ROBO2: variants seen among roughly 807,000 people sequenced by gnomAD.
ROBO2 encodes the protein roundabout guidance receptor 2, also known as roundabout homolog 2.
A neutral mutation model predicts 160.8 loss-of-function variants in ROBO2; 53 were observed. The ratio of observed to expected loss-of-function variants is 0.33; its 90% CI spans 0.26 to 0.41. ROBO2 has a LOEUF of 0.41. ROBO2 is among the 10% of genes least tolerant of loss of function. ROBO2 has a pLI of 1.00. For missense variants in ROBO2, 1,577 were observed against 1,722.4 expected (o/e 0.92, Z 1.49); for synonymous variants, 664 against 611.7 (o/e 1.09, Z -1.26).
intron 2 of ROBO2, among the ~76,000 whole-genome samples, chr3:75,954,517 T>C (rs985958424): frequency 2.0e-5 from 3 of 151,890 alleles, no homozygotes; most frequent in African/African-American, 7.2e-5. Context: ...CAAACTTGCT[T>C]TAGCAAAGTA....
At chr3:76,970,189 G>C (rs1450674011) in intron 2 of ROBO2, among the ~76,000 whole-genome samples, 4 of 152,110 alleles carry the variant, frequency 2.6e-5, no homozygotes, top group Non-Finnish European at 4.4e-5. Context: ...TGAAAGACAA[G>C]CTATTTATCC....
intron 5 of ROBO2, among the ~76,000 whole-genome samples, chr3:77,510,839 G>A (rs1052687458): frequency 3.3e-5 from 5 of 151,960 alleles, no homozygotes; most frequent in Non-Finnish European, 5.9e-5. Context: ...TGTCAGACAC[G>A]GAGTAATTGC....
Position 77,273,943 on chromosome 3 carries a change from C to T in ROBO2, c.388+175603C>T, listed in dbSNP as rs144120722. The stretch of plus-strand genomic sequence containing the variant: ...ATATCCAACAAAAGATGTTAGAATT[C>T]CACTTTGGTGTGAATCTAACCTAGA... On this transcript the variant is annotated intron_variant, in intron 2 of 25. Transcript: ENST00000461745. Among the ~76,000 whole-genome samples the T allele has an allele frequency of 3.5e-3, 532 of 151,872 alleles. 1 individual carries two copies. Among genetic ancestry groups the T allele is most frequent in the African/African-American group, 0.012 (511 of 41,510 alleles).
intron 2 of ROBO2, among the ~76,000 whole-genome samples, chr3:77,293,603 C>A (rs2061599764): frequency 1.4e-5 from 2 of 138,812 alleles, no homozygotes; most frequent in Admixed American, 7.5e-5. Flanking sequence ...TAGATCACCC[C>A]AGACACAAAG....
At chr3:76,838,148 C>G (rs531433225) in intron 2 of ROBO2, among the ~76,000 whole-genome samples, 39 of 152,124 alleles carry the variant, frequency 2.6e-4, no homozygotes, top group African/African-American at 9.1e-4. Context: ...AACCGAATAC[C>G]ATGTTCTCAC....
At chr3:76,216,960 C>T (rs1387234832) in intron 2 of ROBO2, among the ~76,000 whole-genome samples, 1 of 152,162 alleles carries the variant, frequency 6.6e-6, no homozygotes, top group African/African-American at 2.4e-5. Context: ...AACAAACTAT[C>T]TCTCAGACCA....
At chr3:76,365,697 A>G (rs2075775510) in intron 2 of ROBO2, among the ~76,000 whole-genome samples, 1 of 152,124 alleles carries the variant, frequency 6.6e-6, no homozygotes, top group Non-Finnish European at 1.5e-5. Flanking sequence ...AATTAGATCC[A>G]TAAAATGTAT....
intron 2 of ROBO2, among the ~76,000 whole-genome samples, chr3:76,931,402 C>CT (rs2149054132): frequency 6.6e-6 from 1 of 152,204 alleles, no homozygotes; most frequent in South Asian, 2.1e-4. Flanking sequence ...CCATTGGAGA[C>CT]ACATTTTCTG....
chr3:77,136,797 C>T (rs1342455604), intron 2 of ROBO2, among the ~76,000 whole-genome samples: 2 of 151,732 alleles, frequency 1.3e-5, no homozygotes, highest in African/African-American at 4.8e-5. Context: ...CCACCATGCC[C>T]AGCTAATTTT....
Position 77,562,642 on chromosome 3 carries a change from G to A in ROBO2, c.1438-9G>A. The A allele has an allele frequency of 6.2e-7, 1 of 1,603,212 alleles. No individual in the cohort carries two copies. Among genetic ancestry groups the A allele is most frequent in the Non-Finnish European group, 8.5e-7 (1 of 1,170,856 alleles). On this transcript the variant is annotated splice_polypyrimidine_tract_variant and intron_variant, in intron 9 of 25. Transcript: ENST00000461745. Reference sequence around the variant, plus strand: ...AACAATTTAATTCTCTCCCTTCTGTGCACACTAGATTTCTGATACTGGCAC... The same window carrying A: ...AACAATTTAATTCTCTCCCTTCTGTACACACTAGATTTCTGATACTGGCAC...
At chr3:77,349,657 C>T (rs112718865) in intron 2 of ROBO2, among the ~76,000 whole-genome samples, 1,671 of 152,190 alleles carry the variant, frequency 0.011, 18 homozygotes, top group Middle Eastern at 0.017. Context: ...AAGTTGGGCA[C>T]GTGAATCCTA....
At chr3:76,780,283 A>G (rs2062553482) in intron 2 of ROBO2, among the ~76,000 whole-genome samples, 1 of 145,022 alleles carries the variant, frequency 6.9e-6, no homozygotes, top group South Asian at 2.1e-4. Flanking sequence ...TGTTTTGTTT[A>G]GTTGTGATTC....
At chr3:76,726,301 A>G (rs2093552195) in intron 2 of ROBO2, among the ~76,000 whole-genome samples, 1 of 151,896 alleles carries the variant, frequency 6.6e-6, no homozygotes, top group African/African-American at 2.4e-5. Flanking sequence ...TGTTCTCCAT[A>G]CGCTTCATTT....
At chr3:76,202,116 G>A (rs1332872972) in intron 2 of ROBO2, among the ~76,000 whole-genome samples, 2 of 152,056 alleles carry the variant, frequency 1.3e-5, no homozygotes, top group Non-Finnish European at 2.9e-5. Context: ...AAAATAAAAT[G>A]CAAATCTGCA....
At chr3:76,545,274 A>G (rs930639313) in intron 2 of ROBO2, among the ~76,000 whole-genome samples, 1 of 151,958 alleles carries the variant, frequency 6.6e-6, no homozygotes, top group African/African-American at 2.4e-5. Context: ...GTAAAGTGAA[A>G]TTAAGGGTCT....
chr3:76,299,667 G>GTGAC (rs1481368358), intron 2 of ROBO2, among the ~76,000 whole-genome samples: 1 of 152,158 alleles, frequency 6.6e-6, no homozygotes, highest in Non-Finnish European at 1.5e-5. Flanking sequence ...AGGTTGAAGT[G>GTGAC]TGACTACCTG....
At chr3:76,967,007 T>A (rs763752322) in intron 2 of ROBO2, among the ~76,000 whole-genome samples, 1 of 152,166 alleles carries the variant, frequency 6.6e-6, no homozygotes, top group African/African-American at 2.4e-5. Flanking sequence ...CTACAATTTA[T>A]TAAGCATCTA....
intron 8 of ROBO2, among the ~76,000 whole-genome samples, chr3:77,555,947 T>C (rs755907837): frequency 1.3e-5 from 2 of 151,808 alleles, no homozygotes; most frequent in Non-Finnish European, 2.9e-5. Context: ...AGCTACTCAT[T>C]AGGGCAGTAA....
At chr3:76,809,317 G>T (rs182815067) in intron 2 of ROBO2, among the ~76,000 whole-genome samples, 1 of 152,162 alleles carries the variant, frequency 6.6e-6, no homozygotes, top group Admixed American at 6.5e-5. Context: ...TCTCTTGCTG[G>T]TTGTTGGCCA....
Sources: gnomAD v4.1 joint callset for allele counts (sites outside exome capture counted in the v4.1 genomes callset) on GRCh38, gnomAD v4.1.1 for gene constraint, MANE v1.5 for transcripts, NCBI Gene and HGNC (gene_info 2026-07-23, HGNC 2026-07-21) for gene names.